RBFOX1: variants seen among roughly 807,000 people sequenced by gnomAD.
RBFOX1 encodes the protein RNA binding protein fox-1 homolog 1.
RBFOX1 carries 8 observed loss-of-function variants against 57.7 expected under a neutral mutation model. The observed-to-expected ratio is 0.14, with a 90% CI of 0.08 to 0.25. RBFOX1 has a LOEUF of 0.25. Ranked by LOEUF, RBFOX1 falls within the 10% of genes least tolerant of loss-of-function variation. The pLI, the probability that RBFOX1 is intolerant of heterozygous loss-of-function variation, is 1.00. For missense variants in RBFOX1, 611 were observed against 548.5 expected, an observed-to-expected ratio of 1.11 and a Z score of -1.14; for synonymous variants, 326 against 222.4, an observed-to-expected ratio of 1.47 and a Z score of -4.15.
chr16:5,827,627 C>T (rs1338865307), intron 3 of RBFOX1, among the ~76,000 whole-genome samples: 1 of 152,116 alleles, frequency 6.6e-6, no homozygotes. Flanking sequence ...GTGAAGGCAA[C>T]CACAGAGGGT....
intron 4 of RBFOX1, among the ~76,000 whole-genome samples, chr16:7,263,172 G>T (rs1172158736): frequency 6.6e-6 from 1 of 152,112 alleles, no homozygotes; most frequent in African/African-American, 2.4e-5. Context: ...TTTCTTCTCT[G>T]TTACATTCTA....
At chr16:6,539,806 G>GACACACACACAAACACACACAC (rs2096787116) in intron 2 of RBFOX1, among the ~76,000 whole-genome samples, 1 of 136,234 alleles carries the variant, frequency 7.3e-6, no homozygotes, top group Non-Finnish European at 1.6e-5. Flanking sequence ...TCAAAACACA[G>GACACACACACAAACACACACAC]ACACACACAC....
intron 1 of RBFOX1, among the ~76,000 whole-genome samples, chr16:6,106,573 C>G (rs760847154): frequency 6.6e-6 from 1 of 151,988 alleles, no homozygotes; most frequent in Non-Finnish European, 1.5e-5. Flanking sequence ...CATGGACTTT[C>G]GTTCAGAAAG....
At chr16:5,762,821 C>G (rs2053635915) in intron 3 of RBFOX1, among the ~76,000 whole-genome samples, 1 of 152,104 alleles carries the variant, frequency 6.6e-6, no homozygotes, top group Non-Finnish European at 1.5e-5. Context: ...TCTGATTCCT[C>G]AAGTGAAAAA....
intron 2 of RBFOX1, among the ~76,000 whole-genome samples, chr16:5,508,484 A>G (rs2043455273): frequency 6.6e-6 from 1 of 152,206 alleles, no homozygotes; most frequent in Non-Finnish European, 1.5e-5. Flanking sequence ...CTATTCATTA[A>G]AAACAAAGTA....
intron 3 of RBFOX1, among the ~76,000 whole-genome samples, chr16:7,035,506 A>G (rs2044145522): frequency 6.6e-6 from 1 of 152,236 alleles, no homozygotes; most frequent in African/African-American, 2.4e-5. Context: ...CATTTGCAGA[A>G]TTTAATTGCA....
chr16:6,427,670 G>T (rs1250380365), intron 2 of RBFOX1, among the ~76,000 whole-genome samples: 1 of 152,174 alleles, frequency 6.6e-6, no homozygotes, highest in African/African-American at 2.4e-5. Flanking sequence ...TTACCATTAT[G>T]ATATAATGTA....
chr16:7,048,382 C>T (rs565486098), intron 3 of RBFOX1, among the ~76,000 whole-genome samples: 1 of 152,036 alleles, frequency 6.6e-6, no homozygotes, highest in East Asian at 1.9e-4. Context: ...GCCTCAGCCT[C>T]CCTAGTAGCT....
intron 4 of RBFOX1, among the ~76,000 whole-genome samples, chr16:5,873,449 T>C (rs2057529176): frequency 6.6e-6 from 1 of 152,232 alleles, no homozygotes; most frequent in South Asian, 2.1e-4. Flanking sequence ...ATCTCCGTCC[T>C]TGAAGCCAGC....
chr16:7,188,437 A>G (rs1000039011), intron 4 of RBFOX1, among the ~76,000 whole-genome samples: 8 of 152,202 alleles, frequency 5.3e-5, no homozygotes, highest in Admixed American at 1.3e-4. Flanking sequence ...TGCTATTTAG[A>G]GGAAGCTTTT....
At chr16:7,105,251 C>A (rs1391817227) in intron 4 of RBFOX1, among the ~76,000 whole-genome samples, 1 of 151,086 alleles carries the variant, frequency 6.6e-6, no homozygotes, top group Admixed American at 6.6e-5. Flanking sequence ...CTATGGAGGC[C>A]AATCCTTAAT....
intron 4 of RBFOX1, among the ~76,000 whole-genome samples, chr16:7,361,724 C>G (rs1455139286): frequency 1.3e-5 from 2 of 152,154 alleles, no homozygotes; most frequent in Non-Finnish European, 2.9e-5. Flanking sequence ...TTGAGGCATG[C>G]TGGTGAAAGT....
intron 4 of RBFOX1, among the ~76,000 whole-genome samples, chr16:5,949,774 A>G (rs1440953660): frequency 6.6e-6 from 1 of 152,140 alleles, no homozygotes; most frequent in Admixed American, 6.6e-5. Context: ...CATCACCCCG[A>G]ATATTCTTTG....
In RBFOX1 at chr16:6,654,774, T is replaced by C. The variant is rs141437019; in HGVS notation, c.-16+124T>C. The C allele has an allele frequency of 6.3e-5, 40 of 639,468 alleles. 1 individual carries two copies. In the East Asian group the frequency reaches 9.7e-4, roughly 16 times the overall value. 39.6% of individuals were successfully genotyped at this position (639,468 alleles called of 1,614,324 possible). On this transcript the variant is annotated intron_variant, in intron 3 of 15. Coordinates refer to ENST00000550418, the MANE Select transcript of RBFOX1 (RefSeq NM_018723.4). Reference sequence around the variant, plus strand: ...TAGGTGATTCACGGTCTATGACATATTTAAAGACAATCAGACTTAAAAATG... The same window carrying C: ...TAGGTGATTCACGGTCTATGACATACTTAAAGACAATCAGACTTAAAAATG...
intron 3 of RBFOX1, among the ~76,000 whole-genome samples, chr16:6,660,312 G>A (rs2098692959): frequency 6.6e-6 from 1 of 151,932 alleles, no homozygotes; most frequent in Non-Finnish European, 1.5e-5. Context: ...CCTTGGTGAT[G>A]GATTGATAGG....
intron 3 of RBFOX1, among the ~76,000 whole-genome samples, chr16:6,670,798 C>A (rs1264018197): frequency 6.6e-6 from 1 of 151,976 alleles, no homozygotes; most frequent in Admixed American, 6.6e-5. Flanking sequence ...GAGATCGAGA[C>A]CATCCTAGCT....
intron 3 of RBFOX1, among the ~76,000 whole-genome samples, chr16:6,881,220 C>T (rs1390789044): frequency 1.3e-5 from 2 of 152,162 alleles, no homozygotes. Flanking sequence ...AGCCAGGAGT[C>T]TGAGCATGAA....
chr16:5,528,429 A>G (rs28759309), intron 2 of RBFOX1, among the ~76,000 whole-genome samples: 56,082 of 151,892 alleles, frequency 0.37, 11,847 homozygotes, highest in East Asian at 0.85. Flanking sequence ...CACCGGGGCC[A>G]CATCTGAGCA....
chr16:6,717,451 C>T (rs17141077), intron 3 of RBFOX1, among the ~76,000 whole-genome samples: 11,924 of 152,156 alleles, frequency 0.078, 611 homozygotes, highest in African/African-American at 0.15. Flanking sequence ...CTGCATGACA[C>T]GTTTTGGCAC....
Sources: allele counts gnomAD v4.1 joint callset (sites outside exome capture counted in the v4.1 genomes callset), GRCh38; gene constraint gnomAD v4.1.1; transcripts MANE v1.5; gene names NCBI Gene and HGNC (gene_info 2026-07-23, HGNC 2026-07-21).